The following KCTD1 variants were observed in gnomAD, a reference collection of about 807,000 sequenced individuals.
KCTD1 encodes BTB/POZ domain-containing protein KCTD1.
Under a neutral mutation model 66.0 loss-of-function variants are expected in KCTD1, and 24 were observed. The ratio of observed to expected loss-of-function variants is 0.36; its 90% confidence interval spans 0.26 to 0.51. The LOEUF (loss-of-function observed/expected upper bound fraction) is 0.51, where lower values mean the gene tolerates loss of function less well. Among genes scored for constraint, KCTD1 ranks in the 20% least tolerant of loss-of-function variants. KCTD1 has a pLI of 0.95. For missense variants in KCTD1, 943 were observed against 1,205.2 expected, an observed-to-expected ratio of 0.78 and a Z score of 3.22; for synonymous variants, 511 against 517.2, an observed-to-expected ratio of 0.99 and a Z score of 0.16.
At chr18:26,604,703 CAAAG>C (rs199940245) in intron 1 of KCTD1, among the ~76,000 whole-genome samples, 2,271 of 151,896 alleles carry the variant, frequency 0.015, 59 homozygotes, top group African/African-American at 0.052. Context: ...CTCATGAACA[CAAAG>C]AAAGGAACAA....
chr18:26,616,124 A>C (rs966084638), intron 1 of KCTD1, among the ~76,000 whole-genome samples: 4 of 147,658 alleles, frequency 2.7e-5, no homozygotes, highest in East Asian at 2.0e-4. Context: ...GCAGACAATA[A>C]TTTTTTTTAA....
In KCTD1 at chr18:26,653,103, C is replaced by A. The variant is rs367643133; in HGVS notation, c.9+4257G>T. 2.2e-4 allele frequency among the ~76,000 whole-genome samples: 33 copies of A among 152,278 alleles called. 1 individual carries two copies. In the East Asian group the frequency reaches 4.1e-3, roughly 19 times the overall value. ...AGGGCTATGCTTCATCCATCTGGGTCCCTCTGACCACTTCCCAGAGTGCCA... is the reference window on the plus strand; with the variant it reads ...AGGGCTATGCTTCATCCATCTGGGTACCTCTGACCACTTCCCAGAGTGCCA... On this transcript the variant is annotated intron_variant, in intron 1 of 4. Coordinates refer to the KCTD1 transcript ENST00000580191.
chr18:26,605,749 T>TA (rs1370822416), intron 1 of KCTD1, among the ~76,000 whole-genome samples: 1 of 149,744 alleles, frequency 6.7e-6, no homozygotes. Context: ...TCTATCTATC[T>TA]ATCTATCTAT....
chr18:26,488,081 C>T lies in KCTD1; in HGVS notation c.1989-11422G>A, dbSNP rs190876512. Among the ~76,000 whole-genome samples, 22 of 152,322 alleles carry T rather than the reference C, an allele frequency of 1.4e-4. No homozygotes were observed. The East Asian group carries it at 3.3e-3, about 23-fold the overall frequency. ...TGCATAAAGAATTATCAATGGGTTC[C>T]TCAAGAGCCTGACACATGGTGTACT... On this transcript the variant is annotated intron_variant, in intron 2 of 4. Coordinates refer to ENST00000580059, the MANE Select transcript of KCTD1 (RefSeq NM_001142730.3).
intron 4 of KCTD1, 35 bp from the exon 5 acceptor site, chr18:26,455,936 T>C (rs1338437499): frequency 6.2e-7 from 1 of 1,603,676 alleles, no homozygotes; most frequent in South Asian, 1.1e-5. Flanking sequence ...CAGTTAGGGG[T>C]GAGGTAAGTC....
At chr18:26,600,495 G>GT (rs1302158465) in intron 1 of KCTD1, among the ~76,000 whole-genome samples, 2 of 152,074 alleles carry the variant, frequency 1.3e-5, no homozygotes, top group African/African-American at 4.8e-5. Flanking sequence ...CTGGCTGGGG[G>GT]GGGTGCAGTG....
chr18:26,457,132 A>G (rs557179907), intron 4 of KCTD1: 1 of 151,714 alleles, frequency 6.6e-6, no homozygotes, highest in Admixed American at 6.6e-5. Context: ...TCTAAAAATT[A>G]ATTAAAACCT....
intron 1 of KCTD1, among the ~76,000 whole-genome samples, chr18:26,502,464 A>AT: frequency 1.3e-5 from 2 of 152,310 alleles, no homozygotes; most frequent in Non-Finnish European, 2.9e-5. Flanking sequence ...AAGCGCTAGG[A>AT]TTACAGGCGT....
chr18:26,645,688 G>A (rs77885867), intron 1 of KCTD1, among the ~76,000 whole-genome samples: 5,383 of 152,210 alleles, frequency 0.035, 137 homozygotes, highest in East Asian at 0.069. Flanking sequence ...ATGAGCTGCC[G>A]TGCCCACCTG....
intron 1 of KCTD1, among the ~76,000 whole-genome samples, chr18:26,581,967 T>C (rs1250837128): frequency 6.6e-6 from 1 of 151,892 alleles, no homozygotes; most frequent in South Asian, 2.1e-4. Flanking sequence ...AACAACCCAA[T>C]AGGAAAGTAT....
chr18:26,505,012 C>CA (rs1383009744), intron 1 of KCTD1, among the ~76,000 whole-genome samples: 1 of 152,258 alleles, frequency 6.6e-6, no homozygotes, highest in African/African-American at 2.4e-5. Flanking sequence ...CACACTGCAT[C>CA]AGCCATCTCT....
At chr18:26,640,149 A>G (rs1987805763) in intron 1 of KCTD1, among the ~76,000 whole-genome samples, 1 of 152,098 alleles carries the variant, frequency 6.6e-6, no homozygotes, top group South Asian at 2.1e-4. Context: ...AAGTGTAGAG[A>G]ATGAGAGTGT....
intron 4 of KCTD1, 132 bp downstream of exon 4, chr18:26,459,488 T>A: frequency 1.2e-6 from 1 of 816,894 alleles, no homozygotes; most frequent in Non-Finnish European, 1.9e-6. Context: ...GGGTGATAAT[T>A]CACCTACCCA....
intron 3 of KCTD1, among the ~76,000 whole-genome samples, chr18:26,463,504 T>C (rs1980553507): frequency 6.6e-6 from 1 of 151,762 alleles, no homozygotes; most frequent in Non-Finnish European, 1.5e-5. Context: ...CACAGACCTA[T>C]TATCATGTTT....
chr18:26,517,658 CAAAAAAAA>C (rs968619785), intron 1 of KCTD1, among the ~76,000 whole-genome samples: 4 of 53,396 alleles, frequency 7.5e-5, no homozygotes, highest in Non-Finnish European at 1.0e-4. Context: ...ACTCCGTCTC[CAAAAAAAA>C]AAAAAAAAAA....
intron 1 of KCTD1, chr18:26,575,408 G>A (rs1462646922): frequency 6.6e-6 from 1 of 152,172 alleles, no homozygotes. Flanking sequence ...TGCGGGCAGG[G>A]TTCGGGAAAC....
chr18:26,594,630 G>A (rs1986724364), intron 1 of KCTD1, among the ~76,000 whole-genome samples: 2 of 151,492 alleles, frequency 1.3e-5, no homozygotes, highest in South Asian at 4.2e-4. Flanking sequence ...GCAGGCCCTG[G>A]TGATGGCTAA....
Position 26,465,958 on chromosome 18 carries a change from C to T in KCTD1, c.2134-6033G>A, listed in dbSNP as rs141495861. Among the ~76,000 whole-genome samples the T allele has an allele frequency of 3.7e-3, 562 of 152,264 alleles. 6 individuals carry two copies. The highest frequency in any genetic ancestry group is 0.013 in the African/African-American group (537 of 41,546). On this transcript the variant is annotated intron_variant, in intron 3 of 4. Transcript: ENST00000580059. The stretch of plus-strand genomic sequence containing the variant: ...CAGCCTCGGTGGCGGCAGCTGAGGC[C>T]GTGGTCTGGGGCATGTCCTGAGTAG...
At chr18:26,612,458 A>G (rs1215966850) in intron 1 of KCTD1, among the ~76,000 whole-genome samples, 3 of 152,216 alleles carry the variant, frequency 2.0e-5, no homozygotes, top group Non-Finnish European at 4.4e-5. Flanking sequence ...GTCCTAATCC[A>G]ATAGGACCGG....
Sources: allele counts gnomAD v4.1 joint callset (sites outside exome capture counted in the v4.1 genomes callset), GRCh38; gene constraint gnomAD v4.1.1; transcripts MANE v1.5; gene names NCBI Gene and HGNC (gene_info 2026-07-23, HGNC 2026-07-21).